The following PRKCE variants were observed in gnomAD, a reference collection of about 807,000 sequenced individuals.
PRKCE encodes the protein protein kinase C epsilon type.
A neutral mutation model predicts 85.4 loss-of-function variants in PRKCE; 16 were observed. That is an observed-to-expected ratio of 0.19 (90% CI 0.13 to 0.28). PRKCE has a LOEUF of 0.28. Among genes scored for constraint, PRKCE ranks in the 10% least tolerant of loss-of-function variants. PRKCE has a pLI of 1.00. For synonymous variants in PRKCE, 388 were observed against 371.5 expected (o/e 1.04, Z -0.51); for missense variants, 573 against 975.2 (o/e 0.59, Z 5.49).
At chr2:45,983,638 A>T (rs1416103273) in intron 5 of PRKCE, among the ~76,000 whole-genome samples, 1 of 152,200 alleles carries the variant, frequency 6.6e-6, no homozygotes, top group East Asian at 1.9e-4. Context: ...CTGTGCCTTC[A>T]TTTCCTCATC....
intron 10 of PRKCE, among the ~76,000 whole-genome samples, chr2:46,069,940 T>C (rs1274421650): frequency 1.3e-5 from 2 of 152,344 alleles, no homozygotes; most frequent in South Asian, 2.1e-4. Flanking sequence ...ATTTTACTGA[T>C]AGAACCACAA....
chr2:46,183,475 A>G (rs1482160360), intron 14 of PRKCE, among the ~76,000 whole-genome samples: 1 of 152,204 alleles, frequency 6.6e-6, no homozygotes, highest in Non-Finnish European at 1.5e-5. Flanking sequence ...ATCCTGGGTA[A>G]TACCAGTTAA....
intron 1 of PRKCE, among the ~76,000 whole-genome samples, chr2:45,699,689 T>C (rs1430050530): frequency 2.0e-5 from 3 of 152,170 alleles, no homozygotes; most frequent in African/African-American, 4.8e-5. Context: ...TTTATGGTCC[T>C]GGAGGATTTC....
At chr2:45,730,837 C>T (rs1681511090) in intron 1 of PRKCE, among the ~76,000 whole-genome samples, 1 of 152,126 alleles carries the variant, frequency 6.6e-6, no homozygotes, top group South Asian at 2.1e-4. Flanking sequence ...AGGAAATTTC[C>T]ATTAAAAAAT....
chr2:45,655,846 G>GAAAAAAAAAAAAAAAAAAAAAAAAA (rs34853762), intron 1 of PRKCE, among the ~76,000 whole-genome samples: 1 of 66,260 alleles, frequency 1.5e-5, no homozygotes, highest in African/African-American at 6.8e-5. Flanking sequence ...CCTGTCTCTT[G>GAAAAAAAAAAAAAAAAAAAAAAAAA]AAAAAAAAAA....
intron 2 of PRKCE, among the ~76,000 whole-genome samples, chr2:45,908,980 A>G (rs1697187566): frequency 6.6e-6 from 1 of 152,218 alleles, no homozygotes; most frequent in African/African-American, 2.4e-5. Context: ...TTTGCGCCAC[A>G]TAAAAATGCG....
chr2:45,896,659 A>T (rs1400274731), intron 2 of PRKCE, among the ~76,000 whole-genome samples: 2 of 152,234 alleles, frequency 1.3e-5, no homozygotes, highest in Non-Finnish European at 2.9e-5. Flanking sequence ...GTATACTTTT[A>T]TTGGAGTAGA....
chr2:46,105,484 G>C (rs1390227750), intron 11 of PRKCE, among the ~76,000 whole-genome samples: 1 of 140,782 alleles, frequency 7.1e-6, no homozygotes, highest in Non-Finnish European at 1.5e-5. Context: ...GCTTACGTTT[G>C]ATTCATTTAT....
intron 2 of PRKCE, among the ~76,000 whole-genome samples, chr2:45,931,987 G>C (rs1699081555): frequency 6.6e-6 from 1 of 152,174 alleles, no homozygotes; most frequent in South Asian, 2.1e-4. Context: ...CAAGTGCTGG[G>C]ATTACAGGCG....
intron 11 of PRKCE, among the ~76,000 whole-genome samples, chr2:46,110,720 G>A (rs1672177844): frequency 6.7e-6 from 1 of 150,260 alleles, no homozygotes; most frequent in African/African-American, 2.4e-5. Flanking sequence ...TCTATTATTT[G>A]TTTGTTTCTG....
Position 45,803,992 on chromosome 2 carries a change from C to T in PRKCE, c.349-39008C>T, listed in dbSNP as rs925352301. On this transcript the variant is annotated intron_variant, in intron 1 of 14. Coordinates refer to ENST00000306156, the MANE Select transcript of PRKCE (RefSeq NM_005400.3). ...TCCAGGAGAGGGAAATTTAGTCTCA[C>T]ATTTGAGCCAATCTCAGATTCACCA... Among the ~76,000 whole-genome samples the T allele has an allele frequency of 3.9e-5, 6 of 152,310 alleles. No individual in the cohort carries two copies. The East Asian group carries it at 7.7e-4, about 20-fold the overall frequency.
intron 10 of PRKCE, among the ~76,000 whole-genome samples, chr2:46,039,074 C>T (rs1708061394): frequency 1.3e-5 from 2 of 152,184 alleles, no homozygotes; most frequent in South Asian, 2.1e-4. Flanking sequence ...GACCCCACCT[C>T]TGCTCAAACT....
rs568080819 is a variant in PRKCE, at chr2:46,098,020, A to G, written c.1592+11658A>G. ...AAGTAGAATTCTGACTGCCTTTGACATCAGAGGTTTAGAGCAAACAGGAAG... is the reference window on the plus strand; with the variant it reads ...AAGTAGAATTCTGACTGCCTTTGACGTCAGAGGTTTAGAGCAAACAGGAAG... On this transcript the variant is annotated intron_variant, in intron 11 of 14. Coordinates refer to ENST00000306156, the MANE Select transcript of PRKCE (RefSeq NM_005400.3). 2.0e-5 allele frequency among the ~76,000 whole-genome samples: 3 copies of G among 152,326 alleles called. No homozygotes were observed. The South Asian group carries it at 6.2e-4, about 32-fold the overall frequency.
chr2:45,816,991 C>G (rs1689100592), intron 1 of PRKCE, among the ~76,000 whole-genome samples: 1 of 151,010 alleles, frequency 6.6e-6, no homozygotes, highest in African/African-American at 2.4e-5. Context: ...TACTAAACAT[C>G]CACAGAGACA....
intron 13 of PRKCE, among the ~76,000 whole-genome samples, chr2:46,152,308 A>T (rs570409381): frequency 6.6e-6 from 1 of 151,480 alleles, no homozygotes; most frequent in South Asian, 2.1e-4. Context: ...CAGCCTCCTG[A>T]GTAGCTGGGA....
intron 1 of PRKCE, among the ~76,000 whole-genome samples, chr2:45,708,365 T>C (rs1246627258): frequency 1.3e-5 from 2 of 152,094 alleles, no homozygotes; most frequent in African/African-American, 4.8e-5. Context: ...CCCACCCAAA[T>C]CTCATCTTGA....
At position 45,652,937 on chromosome 2, in the gene PRKCE, GT is replaced by G. The variant is rs922735670; in HGVS notation, c.348+492del. The stretch of plus-strand genomic sequence containing the variant: ...TTTCCCTCCGAGAGGAAGCTGGCTT[GT>G]TTCTATTCTCTTGCATGGTGGTTAG... On this transcript the variant is annotated intron_variant, in intron 1 of 14. Coordinates refer to ENST00000306156, the MANE Select transcript of PRKCE (RefSeq NM_005400.3). The surrounding 1 kb of genome is among the most constrained non-coding windows in gnomAD (Gnocchi z 7.7). Among the ~76,000 whole-genome samples, 33 of 152,176 alleles carry G rather than the reference GT, an allele frequency of 2.2e-4. No individual in the cohort carries two copies. Among genetic ancestry groups the G allele is most frequent in the African/African-American group, 7.7e-4 (32 of 41,520 alleles).
At chr2:45,710,355 G>A (rs1558581987) in intron 1 of PRKCE, among the ~76,000 whole-genome samples, 1 of 152,158 alleles carries the variant, frequency 6.6e-6, no homozygotes, top group Non-Finnish European at 1.5e-5. Flanking sequence ...CCATACCCTT[G>A]CCCACTGAGG....
intron 14 of PRKCE, among the ~76,000 whole-genome samples, chr2:46,172,059 G>T (rs1678956322): frequency 6.6e-6 from 1 of 152,218 alleles, no homozygotes; most frequent in Non-Finnish European, 1.5e-5. Context: ...CAGAGCTCAC[G>T]TGCAGCATCC....
Sources: allele counts gnomAD v4.1 joint callset (sites outside exome capture counted in the v4.1 genomes callset), GRCh38; gene constraint gnomAD v4.1.1; non-coding constraint Gnocchi (gnomAD v3.1); transcripts MANE v1.5; gene names NCBI Gene and HGNC (gene_info 2026-07-23, HGNC 2026-07-21).